Variants in EPC1 observed in about 807,000 individuals in gnomAD.
The protein encoded by EPC1 is enhancer of polycomb 1, also known as enhancer of polycomb homolog 1.
A neutral mutation model predicts 98.4 loss-of-function variants in EPC1; 12 were observed. The observed-to-expected ratio is 0.12, with a 90% CI of 0.08 to 0.20. EPC1 has a LOEUF of 0.20. Among genes scored for constraint, EPC1 ranks in the 10% least tolerant of loss-of-function variants. EPC1 has a pLI of 1.00. For synonymous variants in EPC1, 357 were observed against 363.9 expected (o/e 0.98, Z 0.21); for missense variants, 729 against 990.5 (o/e 0.74, Z 3.54).
chr10:32,350,593 CCAA>C (rs1334248377), upstream of EPC1, among the ~76,000 whole-genome samples: 1 of 152,098 alleles, frequency 6.6e-6, no homozygotes, highest in Non-Finnish European at 1.5e-5. Flanking sequence ...GTAGGAGACT[CCAA>C]CAACAAGCCA....
chr10:32,296,830 C>G lies in EPC1; in HGVS notation c.314-3093G>C, dbSNP rs899490630. On this transcript the variant is annotated intron_variant, in intron 2 of 13. Coordinates refer to ENST00000319778, the MANE Select transcript of EPC1 (RefSeq NM_001272004.3). ...GTTGAGGCAGGAGAATTGCTTGAAC[C>G]CGGGAGGCGGAGGTTGCAGTGAGCT... Among the ~76,000 whole-genome samples the G allele has an allele frequency of 3.9e-5, 6 of 152,054 alleles. No homozygotes were observed. In the South Asian group the frequency reaches 1.3e-3, roughly 32 times the overall value.
At chr10:32,283,840 G>A (rs1836528496) in intron 10 of EPC1, 1 of 152,062 alleles carries the variant, frequency 6.6e-6, no homozygotes, top group South Asian at 2.1e-4. Flanking sequence ...TAACCCTCAT[G>A]TTGTTCAGGG....
intron 2 of EPC1, among the ~76,000 whole-genome samples, chr10:32,295,610 TA>T (rs769418686): frequency 2.2e-4 from 34 of 152,180 alleles, no homozygotes; most frequent in Non-Finnish European, 4.7e-4. Flanking sequence ...TCAAGTTGAT[TA>T]AAACTGTTAG....
At chr10:32,323,029 G>A (rs1010269072) in intron 1 of EPC1, among the ~76,000 whole-genome samples, 2 of 151,972 alleles carry the variant, frequency 1.3e-5, no homozygotes, top group Non-Finnish European at 2.9e-5. Context: ...AAATGCTTGA[G>A]GTGATGTATA....
chr10:32,270,612 G>A, intron 13 of EPC1, among the ~76,000 whole-genome samples: 1 of 151,982 alleles, frequency 6.6e-6, no homozygotes. Flanking sequence ...ACCACCTGAG[G>A]TCAGGGGTTC....
chr10:32,275,973 C>T (rs1836071801), intron 10 of EPC1, among the ~76,000 whole-genome samples: 1 of 151,878 alleles, frequency 6.6e-6, no homozygotes, highest in African/African-American at 2.4e-5. Flanking sequence ...TTTTAGATTA[C>T]TATGTTAGCC....
chr10:32,292,389 A>C, intron 5 of EPC1, 107 bp downstream of exon 5: 1 of 818,918 alleles, frequency 1.2e-6, no homozygotes, highest in Non-Finnish European at 1.8e-6. Context: ...CTATTATTAA[A>C]AAAAGATATT....
chr10:32,285,386 C>G, intron 9 of EPC1: 1 of 225,706 alleles, frequency 4.4e-6, no homozygotes, highest in Non-Finnish European at 8.7e-6. Context: ...AGAAGAAAAG[C>G]AACAAAAAAC....
intron 1 of EPC1, chr10:32,345,374 A>C: frequency 1.0e-6 from 1 of 985,468 alleles, no homozygotes; most frequent in Non-Finnish European, 1.2e-6. Flanking sequence ...TAAACAACCC[A>C]AAGAGTTTAA....
chr10:32,319,501 G>C (rs1836755495), intron 1 of EPC1, among the ~76,000 whole-genome samples: 1 of 152,136 alleles, frequency 6.6e-6, no homozygotes. Flanking sequence ...TGTGCCTCCA[G>C]ATGTGATGTC....
intron 10 of EPC1, among the ~76,000 whole-genome samples, chr10:32,279,302 C>T (rs376138276): frequency 1.5e-4 from 22 of 150,122 alleles, no homozygotes; most frequent in Admixed American, 1.3e-4. Flanking sequence ...GAGCCAAGAT[C>T]GTGCTACTGC....
At chr10:32,365,556 T>C (rs1839574640) in intron 1 of EPC1, among the ~76,000 whole-genome samples, 1 of 152,070 alleles carries the variant, frequency 6.6e-6, no homozygotes, top group African/African-American at 2.4e-5. Flanking sequence ...TTCATGCATG[T>C]AATCCTAGCA....
intron 10 of EPC1, chr10:32,283,630 G>C (rs1021735718): frequency 6.6e-6 from 1 of 152,098 alleles, no homozygotes; most frequent in African/African-American, 2.4e-5. Context: ...TTAATAACAT[G>C]TTCTTTTTCC....
intron 1 of EPC1, chr10:32,374,542 T>C (rs1018343492): frequency 6.6e-6 from 1 of 152,190 alleles, no homozygotes; most frequent in African/African-American, 2.4e-5. Context: ...ATTTGGGTTA[T>C]ATCTAAAGCT....
chr10:32,309,711 A>AT (rs1164183636), intron 1 of EPC1, among the ~76,000 whole-genome samples: 2 of 149,390 alleles, frequency 1.3e-5, no homozygotes, highest in Non-Finnish European at 3.0e-5. Flanking sequence ...AAATAAATAA[A>AT]GAAGAAGAAC....
chr10:32,292,354 G>T (rs1203619792), intron 5 of EPC1, 142 bp downstream of exon 5: 3 of 570,754 alleles, frequency 5.3e-6, no homozygotes, highest in Non-Finnish European at 8.4e-6. Flanking sequence ...AGTATAAAAA[G>T]TATCATACCA....
chr10:32,346,039 G>C (rs1163399730), intron 1 of EPC1, among the ~76,000 whole-genome samples: 1 of 152,224 alleles, frequency 6.6e-6, no homozygotes, highest in Non-Finnish European at 1.5e-5. Context: ...CGACCAACTA[G>C]CTCTGGAGAG....
intron 1 of EPC1, among the ~76,000 whole-genome samples, chr10:32,355,760 G>A (rs566700548): frequency 2.0e-5 from 3 of 151,838 alleles, no homozygotes; most frequent in South Asian, 4.2e-4. Context: ...ACAGGCGTGC[G>A]CCACCACACC....
chr10:32,332,899 A>C (rs1358141624), intron 1 of EPC1, among the ~76,000 whole-genome samples: 1 of 152,236 alleles, frequency 6.6e-6, no homozygotes, highest in Non-Finnish European at 1.5e-5. Context: ...TTAGTTAAGA[A>C]GCTGTTTTTA....
Sources: allele counts gnomAD v4.1 joint callset (sites outside exome capture counted in the v4.1 genomes callset), GRCh38; gene constraint gnomAD v4.1.1; transcripts MANE v1.5; gene names NCBI Gene and HGNC (gene_info 2026-07-23, HGNC 2026-07-21).